The following PHTF2 variants were observed in gnomAD, a reference collection of about 807,000 sequenced individuals.
PHTF2 encodes putative homeodomain transcription factor 2.
In PHTF2, 60 loss-of-function variants were observed where a neutral mutation model predicts 101.2. The ratio of observed to expected loss-of-function variants is 0.59; its 90% confidence interval spans 0.48 to 0.73. The LOEUF is 0.73. Among genes scored for constraint, PHTF2 ranks in the 30% least tolerant of loss-of-function variants. The probability of loss-of-function intolerance (pLI) is 0.00; values close to 1 mark genes in which losing one functional copy is unlikely to be tolerated. For synonymous variants in PHTF2, 311 were observed against 307.3 expected, an observed-to-expected ratio of 1.01 and a Z score of -0.13; for missense variants, 747 against 908.7, an observed-to-expected ratio of 0.82 and a Z score of 2.29.
rs74348567 is a variant in PHTF2 at position 77,846,142 on chromosome 7, C to A, written c.45+5842C>A. Among the ~76,000 whole-genome samples, 729 of 152,208 alleles carry A rather than the reference C, an allele frequency of 4.8e-3. 5 individuals are homozygous for A. Among genetic ancestry groups the A allele is most frequent in the African/African-American group, 0.017 (687 of 41,540 alleles). Reference sequence around the variant, plus strand: ...TTTCCTACCCAAAATTATTCCTGACCTTTTTTCCTGGTGGAAGAGCCTCTA... The same window carrying A: ...TTTCCTACCCAAAATTATTCCTGACATTTTTTCCTGGTGGAAGAGCCTCTA... On this transcript the variant is annotated intron_variant, in intron 2 of 19. Transcript: ENST00000416283.
At chr7:77,875,553 T>TTTA (rs869272746) in intron 3 of PHTF2, among the ~76,000 whole-genome samples, 2 of 104,554 alleles carry the variant, frequency 1.9e-5, no homozygotes, top group African/African-American at 4.5e-5. Context: ...TATTTATTTA[T>TTTA]TTATTATTAT....
intron 9 of PHTF2, among the ~76,000 whole-genome samples, chr7:77,913,388 A>G (rs111778810): frequency 0.01 from 1,206 of 117,488 alleles, 21 homozygotes; most frequent in African/African-American, 0.043. Context: ...ACTCTGTCTG[A>G]AAAAAAAAAA....
chr7:77,953,830 C>T, exon 19 of PHTF2: 1 of 1,609,734 alleles, frequency 6.2e-7, no homozygotes, highest in Non-Finnish European at 8.5e-7. Context: ...TATAACATCA[C>T]CCAGGTTGTT....
chr7:77,824,128 G>A (rs1373118639), intron 1 of PHTF2, among the ~76,000 whole-genome samples: 1 of 152,068 alleles, frequency 6.6e-6, no homozygotes, highest in Non-Finnish European at 1.5e-5. Context: ...GTTTCTGTGT[G>A]CCAGGTATAG....
At chr7:77,892,713 T>C (rs143493601) in intron 3 of PHTF2, among the ~76,000 whole-genome samples, 172 of 152,296 alleles carry the variant, frequency 1.1e-3, no homozygotes, top group African/African-American at 3.9e-3. Context: ...AGCAAATAAC[T>C]TGGGTGGGAA....
At chr7:77,931,257 A>G (rs1804536366) in intron 12 of PHTF2, among the ~76,000 whole-genome samples, 1 of 152,228 alleles carries the variant, frequency 6.6e-6, no homozygotes, top group South Asian at 2.1e-4. Context: ...ACAAAAATGG[A>G]GAGATAAATT....
chr7:77,947,837 C>CTTGTTTTTTTT (rs1806198117), intron 16 of PHTF2, among the ~76,000 whole-genome samples: 1 of 73,806 alleles, frequency 1.4e-5, no homozygotes, highest in African/African-American at 5.7e-5. Flanking sequence ...TTTTTTCTTT[C>CTTGTTTTTTTT]TTTTTTTTTT....
At chr7:77,929,122 C>T (rs752669737) in exon 12 of PHTF2, 5 of 1,612,952 alleles carry the variant, frequency 3.1e-6, no homozygotes, top group Middle Eastern at 1.6e-4. Context: ...GCCCCTAAAT[C>T]GGGTACTAGT....
exon 12 of PHTF2, chr7:77,929,309 A>T: frequency 3.1e-6 from 5 of 1,597,716 alleles, no homozygotes; most frequent in Non-Finnish European, 4.3e-6. Context: ...AAGAATATAG[A>T]GATGACCCTT....
intron 3 of PHTF2, among the ~76,000 whole-genome samples, chr7:77,866,662 G>T (rs1798091476): frequency 6.6e-6 from 1 of 151,818 alleles, no homozygotes; most frequent in Admixed American, 6.6e-5. Context: ...TCTCTTTAAT[G>T]GTCTCTTATT....
intron 2 of PHTF2, among the ~76,000 whole-genome samples, chr7:77,842,516 A>G (rs1366869178): frequency 2.6e-5 from 4 of 152,188 alleles, no homozygotes; most frequent in Non-Finnish European, 2.9e-5. Context: ...GAAGAAATAC[A>G]TGTGATACTT....
chr7:77,954,105 CT>C (rs1806776459), intron 19 of PHTF2, among the ~76,000 whole-genome samples: 1 of 151,990 alleles, frequency 6.6e-6, no homozygotes, highest in African/African-American at 2.4e-5. Context: ...AAATAGAAGT[CT>C]TGTGTAGGAT....
chr7:77,946,805 T>G (rs986088553), intron 16 of PHTF2, among the ~76,000 whole-genome samples: 2 of 152,164 alleles, frequency 1.3e-5, no homozygotes, highest in Non-Finnish European at 2.9e-5. Flanking sequence ...ACATCTGTTA[T>G]ATACAGAAAT....
At chr7:77,946,696 T>G (rs1400575490) in intron 16 of PHTF2, among the ~76,000 whole-genome samples, 1 of 152,232 alleles carries the variant, frequency 6.6e-6, no homozygotes, top group Non-Finnish European at 1.5e-5. Flanking sequence ...TACATTCTTT[T>G]TCTTCTTCCT....
At chr7:77,956,237 A>G (rs1806983149) in exon 20 of PHTF2, 2 of 152,596 alleles carry the variant, frequency 1.3e-5, no homozygotes, top group Admixed American at 6.5e-5. Context: ...TATCATGTGG[A>G]ATATCCTCAT....
chr7:77,925,521 T>G (rs1224728346), intron 11 of PHTF2, among the ~76,000 whole-genome samples: 1 of 122,880 alleles, frequency 8.1e-6, no homozygotes, highest in Non-Finnish European at 1.6e-5. Flanking sequence ...TTTTTTTTTT[T>G]TTTTTGAGAC....
chr7:77,940,040 A>G lies in PHTF2; in HGVS notation c.1478A>G (p.His493Arg), dbSNP rs1260752171. ...CCTGGCTCCCTCAAGGTGAACAGCC[A>G]TATACCAGGAATAGGATACCAGATT... The change falls in exon 14 of 20, where the codon CAT becomes CGT. Residue 493 changes from histidine (H) to arginine (R), a missense_variant. Transcript: ENST00000416283. 3.7e-6 allele frequency: 6 copies of G among 1,612,694 alleles called. No individual in the cohort carries two copies. In the Admixed American group the frequency reaches 5.0e-5, roughly 13 times the overall value.
At chr7:77,936,373 G>A (rs1048369764) in intron 12 of PHTF2, among the ~76,000 whole-genome samples, 2 of 152,054 alleles carry the variant, frequency 1.3e-5, no homozygotes, top group African/African-American at 4.8e-5. Context: ...CAAAACTATT[G>A]TTTTTAGAAA....
intron 5 of PHTF2, among the ~76,000 whole-genome samples, chr7:77,897,834 C>T (rs916028313): frequency 2.6e-5 from 4 of 152,132 alleles, no homozygotes; most frequent in African/African-American, 4.8e-5. Flanking sequence ...GCGCCCGCTA[C>T]CACGCCTGAC....
Sources: gnomAD v4.1 joint callset for allele counts (sites outside exome capture counted in the v4.1 genomes callset) on GRCh38, gnomAD v4.1.1 for gene constraint, MANE v1.5 for transcripts, NCBI Gene and HGNC (gene_info 2026-07-23, HGNC 2026-07-21) for gene names.